NSL1: variants seen among roughly 807,000 people sequenced by gnomAD.
NSL1 encodes NSL1 component of MIS12 kinetochore complex.
Under a neutral mutation model 25.4 loss-of-function variants are expected in NSL1, and 11 were observed. The observed-to-expected ratio is 0.43, with a 90% CI of 0.27 to 0.72. The LOEUF is 0.72. Ranked by LOEUF, NSL1 falls within the 30% of genes least tolerant of loss-of-function variation. NSL1 has a pLI of 0.19. For synonymous variants in NSL1, 118 were observed against 120.6 expected, an observed-to-expected ratio of 0.98 and a Z score of 0.14; for missense variants, 330 against 342.7, an observed-to-expected ratio of 0.96 and a Z score of 0.29.
rs1270934107 is a variant in NSL1 at position 212,738,457 on chromosome 1, TG to T, written c.796del (p.Gln266ArgfsTer41). On this transcript the variant is annotated frameshift_variant, in exon 6 of 6. Transcript: ENST00000366977. LOFTEE classifies it high-confidence loss of function. ...TGGCCGCAATGGATACCATTTTCTC[TG>T]GGGGCAGTCTTTAGTTTGCTTTCTT... ...LKRKQTKDCPQRKWYPLRPKK... is the reference protein window; with the variant it reads ...LKRKQTKDCPXRKWYPLRPKK... 6.2e-7 allele frequency: 1 copy of T among 1,613,964 alleles called. No homozygotes were observed. Among genetic ancestry groups the T allele is most frequent in the Admixed American group, 1.7e-5 (1 of 59,994 alleles).
At position 212,727,375 on chromosome 1, in the gene NSL1, C is replaced by T. The variant is rs562900592; in HGVS notation, c.*11033G>A. 3 of 985,346 alleles carry T rather than the reference C, an allele frequency of 3.0e-6. No homozygotes were observed. The South Asian group carries it at 1.4e-4, about 46-fold the overall frequency. The allele number at this position is 985,346 out of a possible 1,614,324, so 61.0% of individuals were successfully genotyped here. On this transcript the variant is annotated 3_prime_UTR_variant, in exon 6 of 6. Coordinates refer to ENST00000366977, the MANE Select transcript of NSL1 (RefSeq NM_015471.4). ...GCACATGGCAGGAAGGTCACTTAAC[C>T]AGGGAAATAAGTATCAGTCAAGTTA...
intron 4 of NSL1, among the ~76,000 whole-genome samples, chr1:212,771,010 A>C (rs987870500): frequency 6.6e-6 from 1 of 152,186 alleles, no homozygotes; most frequent in Non-Finnish European, 1.5e-5. Context: ...ACATTCTGTC[A>C]TGATAAAAAA....
At chr1:212,764,843 C>CAAA (rs3086471) in intron 4 of NSL1, among the ~76,000 whole-genome samples, 260 of 38,886 alleles carry the variant, frequency 6.7e-3, no homozygotes, top group South Asian at 0.012. Context: ...AAGACTGTCT[C>CAAA]AAAAAAAAAA....
In NSL1 at chr1:212,732,690, G is replaced by A; in HGVS notation, c.*5718C>T. ...AGTGTGCTGTGTTTTGGGAGCCTTAGTTTCCCAGATCCCATGGCTGCTGCT... is the reference window on the plus strand; with the variant it reads ...AGTGTGCTGTGTTTTGGGAGCCTTAATTTCCCAGATCCCATGGCTGCTGCT... On this transcript the variant is annotated 3_prime_UTR_variant, in exon 6 of 6. Transcript: ENST00000366977. 1.0e-6 allele frequency: 1 copy of A among 983,016 alleles called. No homozygotes were observed. Among genetic ancestry groups the A allele is most frequent in the Non-Finnish European group, 1.2e-6 (1 of 827,796 alleles). 60.9% of individuals were successfully genotyped at this position (983,016 alleles called of 1,614,324 possible).
intron 4 of NSL1, among the ~76,000 whole-genome samples, chr1:212,748,757 G>A (rs977128903): frequency 1.3e-5 from 2 of 152,060 alleles, no homozygotes; most frequent in Non-Finnish European, 2.9e-5. Flanking sequence ...TGTTATACAG[G>A]GTATCCATAA....
intron 4 of NSL1, among the ~76,000 whole-genome samples, chr1:212,755,929 A>AG (rs1354497559): frequency 3.3e-5 from 5 of 152,192 alleles, no homozygotes; most frequent in Non-Finnish European, 7.3e-5. Flanking sequence ...AATTGCAGAT[A>AG]ATTTGAACAC....
chr1:212,727,561 T>C lies in NSL1; in HGVS notation c.*10847A>G, dbSNP rs528265690. On this transcript the variant is annotated 3_prime_UTR_variant, in exon 6 of 6. Transcript: ENST00000366977. ...GACAATGAATTAGACGTGTGCCACA[T>C]ACTTCTCTCAAAAACTTTATGACTC... The C allele has an allele frequency of 1.0e-6, 1 of 985,436 alleles. No individual in the cohort carries two copies. Among genetic ancestry groups the C allele is most frequent in the South Asian group, 4.7e-5 (1 of 21,292 alleles). The allele number at this position is 985,436 out of a possible 1,614,324, so 61.0% of individuals were successfully genotyped here.
At chr1:212,788,042 T>C (rs1661018182) in intron 1 of NSL1, among the ~76,000 whole-genome samples, 1 of 152,184 alleles carries the variant, frequency 6.6e-6, no homozygotes. Flanking sequence ...AAAATTATAT[T>C]TTATAAAGGG....
intron 4 of NSL1, among the ~76,000 whole-genome samples, chr1:212,746,581 A>G (rs1434711260): frequency 6.6e-6 from 1 of 152,230 alleles, no homozygotes; most frequent in Non-Finnish European, 1.5e-5. Context: ...AATTAAAGAC[A>G]AAAGTTGGCA....
At chr1:212,780,283 G>C (rs552083413) in intron 4 of NSL1, among the ~76,000 whole-genome samples, 17 of 152,178 alleles carry the variant, frequency 1.1e-4, no homozygotes, top group African/African-American at 3.1e-4. Flanking sequence ...GATGTGCTTT[G>C]TTAAACAGAT....
intron 4 of NSL1, among the ~76,000 whole-genome samples, chr1:212,776,173 G>A (rs1660357580): frequency 6.6e-6 from 1 of 152,112 alleles, no homozygotes; most frequent in Non-Finnish European, 1.5e-5. Flanking sequence ...AGACCAGCCT[G>A]ACCAACATGG....
At chr1:212,788,499 A>G (rs562604969) in intron 1 of NSL1, among the ~76,000 whole-genome samples, 1 of 152,258 alleles carries the variant, frequency 6.6e-6, no homozygotes, top group Non-Finnish European at 1.5e-5. Context: ...GAAAATGTTC[A>G]TAATACATTA....
In NSL1 at chr1:212,728,911, G is replaced by C; in HGVS notation, c.*9497C>G. ...CCAGAGTCCACCACTCTGGCAAAGA[G>C]CAGTGTTTATTTGTGTGTTTGAACG... On this transcript the variant is annotated 3_prime_UTR_variant, in exon 6 of 6. Coordinates refer to ENST00000366977, the MANE Select transcript of NSL1 (RefSeq NM_015471.4). 1 of 985,408 alleles carries C rather than the reference G, an allele frequency of 1.0e-6. No individual in the cohort carries two copies. The highest frequency in any genetic ancestry group is 1.2e-6 in the Non-Finnish European group (1 of 829,924). The allele number at this position is 985,408 out of a possible 1,614,324, so 61.0% of individuals were successfully genotyped here. A position where few individuals can be genotyped will look rare whatever the true frequency, so the allele number is the denominator to read the frequency against.
chr1:212,737,874 G>A lies in NSL1; in HGVS notation c.*534C>T, dbSNP rs1658296896. On this transcript the variant is annotated 3_prime_UTR_variant, in exon 6 of 6. Transcript: ENST00000366977. ...CACAAACCTAAATTAGCTGAACATG[G>A]AGTAACAAAGTCAAAGCCAGTATTA... The A allele has an allele frequency of 2.0e-6, 2 of 985,208 alleles. No homozygotes were observed. Among genetic ancestry groups the A allele is most frequent in the Non-Finnish European group, 2.4e-6 (2 of 829,858 alleles). 61.0% of individuals were successfully genotyped at this position (985,208 alleles called of 1,614,324 possible). A position where few individuals can be genotyped will look rare whatever the true frequency, so the allele number is the denominator to read the frequency against.
At chr1:212,768,897 G>C (rs982853249) in intron 4 of NSL1, among the ~76,000 whole-genome samples, 1 of 152,074 alleles carries the variant, frequency 6.6e-6, no homozygotes, top group Non-Finnish European at 1.5e-5. Context: ...ATACAGACTA[G>C]ATCTAGCAGA....
intron 4 of NSL1, among the ~76,000 whole-genome samples, chr1:212,749,934 G>A (rs552891915): frequency 6.7e-6 from 1 of 148,654 alleles, no homozygotes; most frequent in East Asian, 2.0e-4. Flanking sequence ...CATCTAGTAT[G>A]CCTGGCCCCT....
At chr1:212,789,451 A>G (rs1451918531) in intron 1 of NSL1, among the ~76,000 whole-genome samples, 1 of 150,568 alleles carries the variant, frequency 6.6e-6, no homozygotes, top group Non-Finnish European at 1.5e-5. Context: ...ACCTCAGGTG[A>G]TCCGCCCGCC....
At chr1:212,779,788 G>C (rs1235661348) in intron 4 of NSL1, among the ~76,000 whole-genome samples, 2 of 131,162 alleles carry the variant, frequency 1.5e-5, no homozygotes, top group Admixed American at 7.1e-5. Context: ...AGGTGGGGGG[G>C]TCAGCCCCCC....
intron 4 of NSL1, chr1:212,766,094 C>G (rs1005229957): frequency 9.4e-6 from 4 of 425,960 alleles, no homozygotes; most frequent in African/African-American, 2.1e-5. Flanking sequence ...CGAGATCACA[C>G]CACTGCACTC....
Sources: allele counts gnomAD v4.1 joint callset (sites outside exome capture counted in the v4.1 genomes callset), GRCh38; gene constraint gnomAD v4.1.1; transcripts MANE v1.5; gene names NCBI Gene and HGNC (gene_info 2026-07-23, HGNC 2026-07-21).